Variants in AGAP1 observed in about 807,000 individuals in gnomAD.
AGAP1 encodes ArfGAP with GTPase domain, ankyrin repeat and PH domain 1.
AGAP1 carries 29 observed loss-of-function variants against 105.3 expected under a neutral mutation model. That is an observed-to-expected ratio of 0.28 (90% CI 0.21 to 0.38). AGAP1 has a LOEUF of 0.38. AGAP1 is among the 10% of genes least tolerant of loss of function. The pLI, the probability that AGAP1 is intolerant of heterozygous loss-of-function variation, is 1.00. For missense variants in AGAP1, 998 were observed against 1,165.1 expected, an observed-to-expected ratio of 0.86 and a Z score of 2.09; for synonymous variants, 509 against 485.9, an observed-to-expected ratio of 1.05 and a Z score of -0.63.
At chr2:235,914,899 C>G (rs1393149638) in intron 11 of AGAP1, among the ~76,000 whole-genome samples, 1 of 152,152 alleles carries the variant, frequency 6.6e-6, no homozygotes, top group African/African-American at 2.4e-5. Flanking sequence ...GGCAGCATGC[C>G]TAGGGAGAGC....
chr2:236,090,761 CAG>C lies in AGAP1; in HGVS notation c.2115-29428_2115-29427del, dbSNP rs796201367. On this transcript the variant is annotated intron_variant, in intron 16 of 17. Coordinates refer to ENST00000304032, the MANE Select transcript of AGAP1 (RefSeq NM_001037131.3). This position sits in a 1 kb window ranked among gnomAD's most constrained non-coding sequence, Gnocchi z 4.3. The stretch of plus-strand genomic sequence containing the variant: ...TTTGTTTTGTTTTGTTTTTTTGAGA[CAG>C]AGTTTGGTTCTTGTTGCCCAGCCTG... 8.6e-5 allele frequency among the ~76,000 whole-genome samples: 12 copies of C among 140,256 alleles called. No individual in the cohort carries two copies. The highest frequency in any genetic ancestry group is 2.2e-4 in the East Asian group (1 of 4,634). 92.0% of individuals were successfully genotyped at this position (140,256 alleles called of 152,430 possible). A position where few individuals can be genotyped will look rare whatever the true frequency, so the allele number is the denominator to read the frequency against.
intron 1 of AGAP1, among the ~76,000 whole-genome samples, chr2:235,648,807 A>C (rs1480779823): frequency 6.6e-6 from 1 of 151,976 alleles, no homozygotes; most frequent in Non-Finnish European, 1.5e-5. Flanking sequence ...GAATCACTTG[A>C]ACCTGGGAGG....
At chr2:235,519,095 C>T (rs183796619) in intron 1 of AGAP1, among the ~76,000 whole-genome samples, 27 of 152,290 alleles carry the variant, frequency 1.8e-4, no homozygotes, top group African/African-American at 5.8e-4. Context: ...ATTTATGAGA[C>T]AGGGTCTCAC....
intron 1 of AGAP1, among the ~76,000 whole-genome samples, chr2:235,683,446 T>C (rs769205012): frequency 1.3e-5 from 2 of 151,346 alleles, no homozygotes; most frequent in African/African-American, 2.4e-5. Flanking sequence ...TACATTTGTA[T>C]AATTTATAAA....
intron 1 of AGAP1, among the ~76,000 whole-genome samples, chr2:235,571,963 CATATATATGT>C (rs1325330539): frequency 2.7e-5 from 1 of 37,242 alleles, no homozygotes; most frequent in Non-Finnish European, 5.0e-5. Context: ...TGTGTGTATA[CATATATATGT>C]ATACACACAC....
intron 1 of AGAP1, among the ~76,000 whole-genome samples, chr2:235,594,537 A>G (rs377640103): frequency 1.1e-4 from 16 of 152,152 alleles, no homozygotes; most frequent in South Asian, 2.1e-4. Context: ...AGATTTATCA[A>G]TTTTAAAGAA....
chr2:236,011,139 T>C (rs2056498074), intron 13 of AGAP1, among the ~76,000 whole-genome samples: 1 of 152,248 alleles, frequency 6.6e-6, no homozygotes, highest in Non-Finnish European at 1.5e-5. Context: ...GGTGATTCCC[T>C]TGTTTGACCT....
chr2:235,572,536 C>T (rs981497175), intron 1 of AGAP1, among the ~76,000 whole-genome samples: 1 of 152,164 alleles, frequency 6.6e-6, no homozygotes, highest in African/African-American at 2.4e-5. Flanking sequence ...CAGGTCCTGC[C>T]ACCCCTGCTC....
At chr2:235,644,437 T>G (rs1041694642) in intron 1 of AGAP1, among the ~76,000 whole-genome samples, 1 of 152,132 alleles carries the variant, frequency 6.6e-6, no homozygotes, top group African/African-American at 2.4e-5. Flanking sequence ...TACGTTTCCA[T>G]GGAGTCTGTA....
At chr2:235,776,802 C>T (rs1167729592) in intron 6 of AGAP1, among the ~76,000 whole-genome samples, 1 of 152,172 alleles carries the variant, frequency 6.6e-6, no homozygotes, top group Admixed American at 6.5e-5. Context: ...TTGCTCTGAG[C>T]GAAAACCTGC....
intron 9 of AGAP1, among the ~76,000 whole-genome samples, chr2:235,827,036 G>C (rs1392371255): frequency 1.3e-5 from 2 of 152,298 alleles, no homozygotes; most frequent in East Asian, 3.9e-4. Flanking sequence ...AGGGCAAGGA[G>C]GAGGGGAGCT....
intron 13 of AGAP1, among the ~76,000 whole-genome samples, chr2:236,022,434 T>C (rs2056915610): frequency 6.6e-6 from 1 of 152,206 alleles, no homozygotes; most frequent in Admixed American, 6.5e-5. Context: ...TGATCTTTTG[T>C]TTTTGTTTAA....
chr2:235,606,945 GA>G (rs5839603), intron 1 of AGAP1, among the ~76,000 whole-genome samples: 21,258 of 61,986 alleles, frequency 0.34, 932 homozygotes, highest in African/African-American at 0.38. Flanking sequence ...ACTGCCTCTT[GA>G]AAAAAAAAAA....
intron 13 of AGAP1, among the ~76,000 whole-genome samples, chr2:236,034,523 C>T (rs1356315597): frequency 1.3e-5 from 2 of 152,118 alleles, no homozygotes; most frequent in Non-Finnish European, 2.9e-5. Flanking sequence ...TCCTGAGCAA[C>T]CAGACCCTCC....
Position 235,961,646 on chromosome 2 carries a change from A to G in AGAP1, c.1484-6816A>G, listed in dbSNP as rs1042335134. On this transcript the variant is annotated intron_variant, in intron 12 of 17. Transcript: ENST00000304032. The surrounding 1 kb of genome is among the most constrained non-coding windows in gnomAD (Gnocchi z 5.9). ...ATGACAGGGCCGGGCGTGGTGGCTC[A>G]TGCCTATAATCCCAGCACTTTGGGA... 6.6e-6 allele frequency among the ~76,000 whole-genome samples: 1 copy of G among 152,228 alleles called. No homozygotes were observed. Among genetic ancestry groups the G allele is most frequent in the African/African-American group, 2.4e-5 (1 of 41,470 alleles).
intron 9 of AGAP1, among the ~76,000 whole-genome samples, chr2:235,827,402 G>A (rs368446083): frequency 1.3e-4 from 20 of 152,258 alleles, no homozygotes; most frequent in South Asian, 6.2e-4. Flanking sequence ...GGCTGCCGGC[G>A]TAGCTCCAAG....
chr2:236,098,335 T>C (rs1195820546), intron 16 of AGAP1, among the ~76,000 whole-genome samples: 6 of 152,032 alleles, frequency 3.9e-5, no homozygotes, highest in Admixed American at 3.9e-4. Context: ...CCCAGCACTT[T>C]GGGAGGCTGA....
intron 9 of AGAP1, among the ~76,000 whole-genome samples, chr2:235,819,037 C>T (rs777113997): frequency 3.9e-5 from 6 of 152,222 alleles, no homozygotes; most frequent in South Asian, 2.1e-4. Flanking sequence ...CAGTGTTCAT[C>T]GGAGTCCCTG....
In AGAP1 at chr2:235,769,674, C is replaced by T. The variant is rs1030036229; in HGVS notation, c.673+19186C>T. Among the ~76,000 whole-genome samples the T allele has an allele frequency of 1.3e-4, 20 of 151,934 alleles. No individual in the cohort carries two copies. Among genetic ancestry groups the T allele is most frequent in the Non-Finnish European group, 2.6e-4 (18 of 67,998 alleles). On this transcript the variant is annotated intron_variant, in intron 6 of 17. Coordinates refer to ENST00000304032, the MANE Select transcript of AGAP1 (RefSeq NM_001037131.3). This position sits in a 1 kb window ranked among gnomAD's most constrained non-coding sequence, Gnocchi z 4.4. Reference sequence around the variant, plus strand: ...TATACAATTAATTGCTGTAAAATATCGTGGTCAAAATCTCGGGGAGGCAGT... The same window carrying T: ...TATACAATTAATTGCTGTAAAATATTGTGGTCAAAATCTCGGGGAGGCAGT...
Sources: allele counts gnomAD v4.1 joint callset (sites outside exome capture counted in the v4.1 genomes callset), GRCh38; gene constraint gnomAD v4.1.1; non-coding constraint Gnocchi (gnomAD v3.1); transcripts MANE v1.5; gene names NCBI Gene and HGNC (gene_info 2026-07-23, HGNC 2026-07-21).